Variants in ITIH5 observed in about 807,000 individuals in gnomAD.
The protein encoded by ITIH5 is inter-alpha-trypsin inhibitor heavy chain 5.
In ITIH5, 65 loss-of-function variants were observed where a neutral mutation model predicts 77.5. The ratio of observed to expected loss-of-function variants is 0.84; its 90% CI spans 0.69 to 1.03. The LOEUF (loss-of-function observed/expected upper bound fraction) is 1.03, where lower values mean the gene tolerates loss of function less well. Ranked by LOEUF, ITIH5 falls within the 50% of genes least tolerant of loss-of-function variation. The pLI is 0.00. For missense variants in ITIH5, 1,208 were observed against 1,213.1 expected (o/e 1.00, Z 0.06); for synonymous variants, 525 against 494.3 (o/e 1.06, Z -0.82).
At chr10:7,623,165 G>T (rs1374513400) in intron 5 of ITIH5, among the ~76,000 whole-genome samples, 3 of 152,232 alleles carry the variant, frequency 2.0e-5, no homozygotes, top group Non-Finnish European at 4.4e-5. Context: ...GGTTGATAGG[G>T]AGAGGGATTT....
At chr10:7,582,817 G>C (rs957819043) in intron 8 of ITIH5, among the ~76,000 whole-genome samples, 2 of 152,178 alleles carry the variant, frequency 1.3e-5, no homozygotes, top group African/African-American at 2.4e-5. Flanking sequence ...ATAAAGAGTA[G>C]AAGGATGGTT....
chr10:7,657,992 A>C (rs1268476078), intron 1 of ITIH5, among the ~76,000 whole-genome samples: 1 of 152,236 alleles, frequency 6.6e-6, no homozygotes, highest in Non-Finnish European at 1.5e-5. Flanking sequence ...TAAGACATTG[A>C]GAATTGGGGA....
At position 7,569,799 on chromosome 10, in the gene ITIH5, G is replaced by T; in HGVS notation, c.2033-15C>A. 4 of 1,516,970 alleles carry T rather than the reference G, an allele frequency of 2.6e-6. No individual in the cohort carries two copies. The highest frequency in any genetic ancestry group is 3.6e-6 in the Non-Finnish European group (4 of 1,108,664). The allele number at this position is 1,516,970 out of a possible 1,614,324, so 94.0% of individuals were successfully genotyped here. A position where few individuals can be genotyped will look rare whatever the true frequency, so the allele number is the denominator to read the frequency against. On this transcript the variant is annotated splice_polypyrimidine_tract_variant and intron_variant, in intron 11 of 13. Coordinates refer to ENST00000397146, the MANE Select transcript of ITIH5 (RefSeq NM_030569.7). Reference sequence around the variant, plus strand: ...ATCACCATCCACTGCCAGAGCAGAAGAAAACGGAGAGAAAAAGAAAGACAC... The same window carrying T: ...ATCACCATCCACTGCCAGAGCAGAATAAAACGGAGAGAAAAAGAAAGACAC...
intron 5 of ITIH5, among the ~76,000 whole-genome samples, chr10:7,630,034 C>T (rs1163628851): frequency 1.3e-5 from 2 of 152,114 alleles, no homozygotes; most frequent in Non-Finnish European, 2.9e-5. Flanking sequence ...AAAACTTAAA[C>T]GTCTATAAGT....
chr10:7,608,884 A>G (rs1467097449), intron 7 of ITIH5, among the ~76,000 whole-genome samples: 1 of 152,198 alleles, frequency 6.6e-6, no homozygotes, highest in African/African-American at 2.4e-5. Flanking sequence ...TCACAATACT[A>G]GCCTGCTGGC....
intron 7 of ITIH5, chr10:7,609,454 T>C (rs984934256): frequency 2.6e-5 from 12 of 456,586 alleles, no homozygotes; most frequent in Non-Finnish European, 4.4e-5. Context: ...CAAATAGCCC[T>C]TGGGAACCCA....
intron 1 of ITIH5, among the ~76,000 whole-genome samples, chr10:7,664,286 T>C (rs1346165174): frequency 2.0e-5 from 3 of 151,392 alleles, no homozygotes; most frequent in African/African-American, 4.9e-5. Context: ...TGTAATCCCA[T>C]CTGCTTGGGA....
At chr10:7,599,293 C>A (rs1832968327) in intron 7 of ITIH5, among the ~76,000 whole-genome samples, 1 of 152,162 alleles carries the variant, frequency 6.6e-6, no homozygotes, top group African/African-American at 2.4e-5. Context: ...TTAACAAGAA[C>A]CCAACCTACC....
At chr10:7,585,430 C>A (rs1450416337) in intron 8 of ITIH5, among the ~76,000 whole-genome samples, 1 of 152,178 alleles carries the variant, frequency 6.6e-6, no homozygotes, top group African/African-American at 2.4e-5. Flanking sequence ...ACCTCCGCAA[C>A]CCTCCCGGGC....
At chr10:7,644,926 C>T (rs1212666931) in intron 2 of ITIH5, among the ~76,000 whole-genome samples, 2 of 41,732 alleles carry the variant, frequency 4.8e-5, no homozygotes, top group South Asian at 2.1e-3. Flanking sequence ...ATATATATCA[C>T]ATATATATAT....
chr10:7,662,754 C>G (rs1588435351), intron 1 of ITIH5, among the ~76,000 whole-genome samples: 1 of 152,206 alleles, frequency 6.6e-6, no homozygotes, highest in African/African-American at 2.4e-5. Context: ...TCTCCCACAG[C>G]ATACTCCTTC....
chr10:7,597,809 AG>A (rs1193783765), intron 7 of ITIH5, among the ~76,000 whole-genome samples: 1 of 152,240 alleles, frequency 6.6e-6, no homozygotes, highest in Non-Finnish European at 1.5e-5. Context: ...ATTCTATAAA[AG>A]GTAATATAAA....
chr10:7,570,075 G>A (rs1832267209), intron 11 of ITIH5: 1 of 228,278 alleles, frequency 4.4e-6, no homozygotes, highest in East Asian at 9.0e-5. Flanking sequence ...TTTGAGAGGT[G>A]AGAGGAGAAG....
At position 7,616,003 on chromosome 10, in the gene ITIH5, C is replaced by T. The variant is rs566901180; in HGVS notation, c.918G>A (p.Met306Ile). Reference protein sequence around the residue: ...VVFVLDSSASMVGTKLRQTKD... With the variant: ...VVFVLDSSASIVGTKLRQTKD... ...TCACCTGCCGGAGTTTGGTTCCCAC[C>T]ATAGAAGCACTGCTGTCAAGCACGA... The change falls in exon 7 of 14, where the codon ATG (methionine) becomes ATA (isoleucine). Residue 306 changes from methionine (M) to isoleucine (I), a missense_variant. Physicochemically the swap from Met to Ile is conservative, Grantham distance 10 (BLOSUM62 1). Coordinates refer to ENST00000397146, the MANE Select transcript of ITIH5 (RefSeq NM_030569.7). 2.7e-5 allele frequency: 43 copies of T among 1,610,390 alleles called. 1 individual carries two copies. The African/African-American group carries it at 5.2e-4, about 19-fold the overall frequency.
intron 7 of ITIH5, among the ~76,000 whole-genome samples, chr10:7,592,224 G>T (rs951308713): frequency 3.3e-5 from 5 of 152,122 alleles, no homozygotes; most frequent in Non-Finnish European, 5.9e-5. Context: ...ACCCAGCAGT[G>T]CCTGGCACAT....
Position 7,569,751 on chromosome 10 carries a change from G to C in ITIH5, c.2066C>G (p.Pro689Arg). 6.2e-7 allele frequency: 1 copy of C among 1,611,624 alleles called. No homozygotes were observed. The highest frequency in any genetic ancestry group is 8.5e-7 in the Non-Finnish European group (1 of 1,179,166). The change falls in exon 12 of 14, where the codon CCC becomes CGC. Residue 689 changes from proline to arginine, a missense_variant. Coordinates refer to ENST00000397146, the MANE Select transcript of ITIH5 (RefSeq NM_030569.7). ...DGDPHFVVDF[P>R]LSRLTVCFNI... The stretch of plus-strand genomic sequence containing the variant: ...GAAGCACACGGTGAGTCTGCTCAGG[G>C]GGAAATCCACAACAAAGTGGGGATC...
chr10:7,579,405 G>A (rs894806718), intron 9 of ITIH5, among the ~76,000 whole-genome samples: 5 of 152,088 alleles, frequency 3.3e-5, no homozygotes, highest in Middle Eastern at 3.2e-3. Context: ...TGTGACTGTA[G>A]TCCCAGCTAC....
intron 8 of ITIH5, among the ~76,000 whole-genome samples, chr10:7,585,322 T>C (rs1473569551): frequency 6.6e-6 from 1 of 152,194 alleles, no homozygotes; most frequent in Non-Finnish European, 1.5e-5. Flanking sequence ...ATTTTTATGA[T>C]CTTTTCTCTC....
At chr10:7,598,914 T>C (rs1378826612) in intron 7 of ITIH5, among the ~76,000 whole-genome samples, 1 of 152,208 alleles carries the variant, frequency 6.6e-6, no homozygotes, top group East Asian at 1.9e-4. Context: ...CCATTAATCT[T>C]TGTGTTTGCA....
Sources: allele counts gnomAD v4.1 joint callset (sites outside exome capture counted in the v4.1 genomes callset), GRCh38; gene constraint gnomAD v4.1.1; transcripts MANE v1.5; gene names NCBI Gene and HGNC (gene_info 2026-07-23, HGNC 2026-07-21).